Variants in CLIC5 observed in about 807,000 individuals in gnomAD.
The protein encoded by CLIC5 is chloride intracellular channel protein 5.
In CLIC5, 20 loss-of-function variants were observed where a neutral mutation model predicts 24.7. That is an observed-to-expected ratio of 0.81 (90% CI 0.57 to 1.18). The LOEUF (loss-of-function observed/expected upper bound fraction) is 1.18, where lower values mean the gene tolerates loss of function less well. CLIC5 is among the 50% of genes most tolerant of loss of function. CLIC5 has a pLI of 0.00. For missense variants in CLIC5, 341 were observed against 326.1 expected (o/e 1.05, Z -0.35); for synonymous variants, 159 against 135.6 (o/e 1.17, Z -1.20).
upstream of CLIC5, among the ~76,000 whole-genome samples, chr6:46,016,580 G>A (rs917670208): frequency 1.3e-5 from 2 of 151,504 alleles, no homozygotes; most frequent in Non-Finnish European, 2.9e-5. Flanking sequence ...CTTCATTCCC[G>A]TTCTCTTCTG....
intron 1 of CLIC5, among the ~76,000 whole-genome samples, chr6:46,022,417 T>C (rs1441820039): frequency 6.6e-6 from 1 of 152,172 alleles, no homozygotes; most frequent in East Asian, 1.9e-4. Context: ...CCAGACAATC[T>C]CAAGGACTTG....
At chr6:46,123,864 C>G in the CLIC5 span, among the ~76,000 whole-genome samples, 1 of 152,128 alleles carries the variant, frequency 6.6e-6, no homozygotes, top group African/African-American at 2.4e-5. Flanking sequence ...ACCTAGAATT[C>G]CAGCTTACAA....
chr6:46,084,529 G>C (rs1314221477), upstream of CLIC5, among the ~76,000 whole-genome samples: 1 of 152,082 alleles, frequency 6.6e-6, no homozygotes. Flanking sequence ...TCCTTCACTT[G>C]TGAAGCTTAG....
intron 4 of CLIC5, among the ~76,000 whole-genome samples, chr6:45,928,290 A>G (rs1763580776): frequency 1.3e-5 from 2 of 152,220 alleles, no homozygotes. Context: ...AAGCTGAGAA[A>G]TGCTGAAGCT....
At chr6:45,983,451 C>G (rs1310896243) in intron 1 of CLIC5, among the ~76,000 whole-genome samples, 1 of 152,094 alleles carries the variant, frequency 6.6e-6, no homozygotes, top group Non-Finnish European at 1.5e-5. Context: ...CAAGACACAC[C>G]ATTGAGAAGA....
chr6:45,881,892 T>C (rs1234939093), intron 6 of CLIC5, among the ~76,000 whole-genome samples: 1 of 152,046 alleles, frequency 6.6e-6, no homozygotes, highest in African/African-American at 2.4e-5. Flanking sequence ...AATGTCGAAC[T>C]CGTGAACTTG....
At chr6:46,075,631 C>T (rs974244066) in intron 1 of CLIC5, among the ~76,000 whole-genome samples, 1 of 152,074 alleles carries the variant, frequency 6.6e-6, no homozygotes. Context: ...TATTCCGCTT[C>T]CATAATAAAT....
intron 1 of CLIC5, among the ~76,000 whole-genome samples, chr6:45,957,151 G>C (rs1764672406): frequency 6.6e-6 from 1 of 152,166 alleles, no homozygotes; most frequent in East Asian, 1.9e-4. Context: ...ACTGTTATCT[G>C]TTTTCCTCTG....
chr6:45,911,472 C>T (rs1041425512), intron 5 of CLIC5, among the ~76,000 whole-genome samples: 4 of 152,132 alleles, frequency 2.6e-5, no homozygotes, highest in African/African-American at 9.7e-5. Flanking sequence ...AAGAGGCTGT[C>T]TTGGCTAAGA....
At chr6:45,964,195 A>G (rs1469439775) in intron 1 of CLIC5, among the ~76,000 whole-genome samples, 1 of 151,948 alleles carries the variant, frequency 6.6e-6, no homozygotes, top group Non-Finnish European at 1.5e-5. Flanking sequence ...CCATTGCAGT[A>G]GAGGCAGATT....
chr6:46,095,537 A>G, the CLIC5 span, among the ~76,000 whole-genome samples: 1 of 152,222 alleles, frequency 6.6e-6, no homozygotes, highest in African/African-American at 2.4e-5. Flanking sequence ...TCGCAAGTTC[A>G]AAGTTTCACA....
chr6:45,963,705 T>A (rs1764926782), intron 1 of CLIC5, among the ~76,000 whole-genome samples: 1 of 151,736 alleles, frequency 6.6e-6, no homozygotes, highest in Non-Finnish European at 1.5e-5. Context: ...CAAGGGAAAA[T>A]GTTGAAAGGC....
chr6:46,056,400 C>A (rs1228281958), intron 1 of CLIC5, among the ~76,000 whole-genome samples: 1 of 152,134 alleles, frequency 6.6e-6, no homozygotes, highest in African/African-American at 2.4e-5. Flanking sequence ...CAACTGGCTT[C>A]TTGGGTTGAC....
intron 5 of CLIC5, among the ~76,000 whole-genome samples, chr6:45,911,301 C>T (rs983376851): frequency 5.3e-5 from 8 of 152,180 alleles, no homozygotes; most frequent in African/African-American, 1.9e-4. Flanking sequence ...AAGCCACCCC[C>T]ACACTGTTCT....
intron 3 of CLIC5, among the ~76,000 whole-genome samples, chr6:45,948,703 T>C (rs181018080): frequency 2.0e-5 from 3 of 152,352 alleles, no homozygotes; most frequent in East Asian, 1.9e-4. Context: ...CAAGAACTTA[T>C]AGCTCTACGG....
chr6:46,086,885 C>G, the CLIC5 span, among the ~76,000 whole-genome samples: 8 of 152,180 alleles, frequency 5.3e-5, no homozygotes, highest in Non-Finnish European at 8.8e-5. Context: ...ACATGCCACT[C>G]TCCCATCTAC....
Position 45,946,331 on chromosome 6 carries a change from G to A in CLIC5, c.299+2925C>T, listed in dbSNP as rs562976765. On this transcript the variant is annotated intron_variant, in intron 3 of 5. Coordinates refer to ENST00000339561, the MANE Select transcript of CLIC5 (RefSeq NM_016929.5). ...AATCTAAGGAGAGGGATGGATGTTA[G>A]TCTCATTTAGAAACAACTTGAGACT... 5.9e-5 allele frequency among the ~76,000 whole-genome samples: 9 copies of A among 152,312 alleles called. No individual in the cohort carries two copies. In the East Asian group the frequency reaches 1.2e-3, roughly 20 times the overall value.
chr6:46,095,021 A>C, the CLIC5 span, among the ~76,000 whole-genome samples: 1 of 152,188 alleles, frequency 6.6e-6, no homozygotes, highest in African/African-American at 2.4e-5. Context: ...CGTGGATGCC[A>C]CCAGTCTTAT....
the CLIC5 span, among the ~76,000 whole-genome samples, chr6:46,123,878 A>C: frequency 6.6e-6 from 1 of 152,182 alleles, no homozygotes; most frequent in South Asian, 2.1e-4. Context: ...CTTACAAGGG[A>C]TGTGAAGGAC....
Sources: allele counts gnomAD v4.1 joint callset (sites outside exome capture counted in the v4.1 genomes callset), GRCh38; gene constraint gnomAD v4.1.1; transcripts MANE v1.5; gene names NCBI Gene and HGNC (gene_info 2026-07-23, HGNC 2026-07-21).